The following TMC1 variants were observed in gnomAD, a reference collection of about 807,000 sequenced individuals.
TMC1 encodes transmembrane channel-like protein 1.
A neutral mutation model predicts 105.8 loss-of-function variants in TMC1; 84 were observed. That is an observed-to-expected ratio of 0.79 (90% CI 0.67 to 0.95). TMC1 has a LOEUF of 0.95. TMC1 is among the 40% of genes least tolerant of loss of function. TMC1 has a pLI of 0.00. For synonymous variants in TMC1, 315 were observed against 311.5 expected, an observed-to-expected ratio of 1.01 and a Z score of -0.12; for missense variants, 817 against 914.1, an observed-to-expected ratio of 0.89 and a Z score of 1.37.
chr9:72,710,795 T>A (rs1050428954), intron 8 of TMC1, among the ~76,000 whole-genome samples: 39 of 152,152 alleles, frequency 2.6e-4, no homozygotes, highest in African/African-American at 3.4e-4. Flanking sequence ...ACTTTTTTTT[T>A]AAATTATACT....
At chr9:72,747,120 T>C (rs1827502398) in intron 10 of TMC1, among the ~76,000 whole-genome samples, 1 of 152,216 alleles carries the variant, frequency 6.6e-6, no homozygotes, top group Admixed American at 6.5e-5. Flanking sequence ...AAAATTATAG[T>C]TTCAGAAACC....
intron 3 of TMC1, among the ~76,000 whole-genome samples, chr9:72,617,907 T>G (rs1157223262): frequency 2.5e-5 from 3 of 118,820 alleles, no homozygotes; most frequent in South Asian, 2.7e-4. Flanking sequence ...AGTCTATGTG[T>G]GGTGTGTGTG....
intron 5 of TMC1, among the ~76,000 whole-genome samples, chr9:72,683,733 T>TATA (rs1588029653): frequency 0.037 from 1,986 of 53,250 alleles, 228 homozygotes; most frequent in Middle Eastern, 0.098. Flanking sequence ...GTTACACATT[T>TATA]TATATATATA....
intron 12 of TMC1, among the ~76,000 whole-genome samples, chr9:72,769,873 T>C (rs1490175251): frequency 6.6e-6 from 1 of 152,204 alleles, no homozygotes; most frequent in African/African-American, 2.4e-5. Flanking sequence ...CAGGATATAA[T>C]CTTTAAACCA....
intron 5 of TMC1, among the ~76,000 whole-genome samples, chr9:72,687,472 A>T (rs1300834917): frequency 6.6e-6 from 1 of 152,188 alleles, no homozygotes; most frequent in Non-Finnish European, 1.5e-5. Flanking sequence ...TGACATAAAG[A>T]TCTTTGTCCT....
At chr9:72,807,773 G>A (rs1300815147) in intron 18 of TMC1, among the ~76,000 whole-genome samples, 5 of 152,200 alleles carry the variant, frequency 3.3e-5, no homozygotes, top group African/African-American at 9.6e-5. Flanking sequence ...ACACACAAGA[G>A]GCTGCAGAAG....
chr9:72,695,023 C>G (rs1263756349), intron 7 of TMC1, among the ~76,000 whole-genome samples: 1 of 152,096 alleles, frequency 6.6e-6, no homozygotes, highest in Non-Finnish European at 1.5e-5. Flanking sequence ...GCATTGTTAT[C>G]TAGGTTAAGT....
chr9:72,809,958 T>C (rs919373379), intron 18 of TMC1, among the ~76,000 whole-genome samples: 14 of 150,742 alleles, frequency 9.3e-5, no homozygotes, highest in African/African-American at 2.9e-4. Flanking sequence ...TGTGTGTGTG[T>C]GAGAGAGAGA....
rs1824818297 is a variant in TMC1 at position 72,601,669 on chromosome 9, CA to C, written c.-305-14692del. On this transcript the variant is annotated intron_variant, in intron 2 of 23. Transcript: ENST00000297784. ...CGAACAAAACAAAACAAAACAAAAC[CA>C]AAAAAACCAAAACAAAAAACATATT... is the stretch of plus-strand genomic sequence containing the variant. 2.6e-5 allele frequency among the ~76,000 whole-genome samples: 4 copies of C among 151,734 alleles called. No homozygotes were observed. The South Asian group carries it at 6.2e-4, about 24-fold the overall frequency.
Position 72,764,281 on chromosome 9 carries a change from G to A in TMC1, c.742-8132G>A, listed in dbSNP as rs949460206. 1.4e-4 allele frequency among the ~76,000 whole-genome samples: 21 copies of A among 152,020 alleles called. 1 individual carries two copies. Among genetic ancestry groups the A allele is most frequent in the Admixed American group, 4.6e-4 (7 of 15,254 alleles). ...GTGTCCAGATGACCACACACGTCTCGTTTCATGTATGAATTCACAAAGCTT... is the reference window on the plus strand; with the variant it reads ...GTGTCCAGATGACCACACACGTCTCATTTCATGTATGAATTCACAAAGCTT... On this transcript the variant is annotated intron_variant, in intron 12 of 23. Coordinates refer to ENST00000297784, the MANE Select transcript of TMC1 (RefSeq NM_138691.3).
At chr9:72,807,418 A>G (rs1023226796) in intron 18 of TMC1, among the ~76,000 whole-genome samples, 3 of 152,256 alleles carry the variant, frequency 2.0e-5, no homozygotes, top group Non-Finnish European at 2.9e-5. Context: ...GAGTACATTT[A>G]TAATGCAGAG....
intron 2 of TMC1, among the ~76,000 whole-genome samples, chr9:72,599,478 T>C (rs892454701): frequency 1.9e-4 from 29 of 152,288 alleles, no homozygotes; most frequent in African/African-American, 6.5e-4. Context: ...AAAAAGCCTA[T>C]AGGTTGAATT....
At chr9:72,565,101 G>T (rs898037067) in intron 1 of TMC1, among the ~76,000 whole-genome samples, 7 of 152,220 alleles carry the variant, frequency 4.6e-5, no homozygotes, top group African/African-American at 1.7e-4. Flanking sequence ...TGGGCAGTTA[G>T]TGAGCATTTT....
At chr9:72,778,452 C>T (rs968928088) in intron 13 of TMC1, among the ~76,000 whole-genome samples, 1 of 152,164 alleles carries the variant, frequency 6.6e-6, no homozygotes, top group Non-Finnish European at 1.5e-5. Flanking sequence ...GTAGCCCACT[C>T]TCACCATGGA....
rs961181201 is a variant in TMC1, at chr9:72,645,997, T to C, written c.-52-2600T>C. On this transcript the variant is annotated intron_variant, in intron 4 of 23. Transcript: ENST00000297784. ...TATATTTTTCATTTTAATCTTTTAA[T>C]TATATTTTTCCACAAAATTTTTGAA... 2.6e-5 allele frequency among the ~76,000 whole-genome samples: 4 copies of C among 152,190 alleles called. No homozygotes were observed. The East Asian group carries it at 7.7e-4, about 29-fold the overall frequency.
chr9:72,782,048 A>G (rs1828102138), intron 13 of TMC1, among the ~76,000 whole-genome samples: 1 of 152,210 alleles, frequency 6.6e-6, no homozygotes. Flanking sequence ...ATAAACATAC[A>G]TGCAAAAATC....
intron 2 of TMC1, among the ~76,000 whole-genome samples, chr9:72,591,969 G>A (rs1427880725): frequency 6.6e-6 from 1 of 152,172 alleles, no homozygotes; most frequent in South Asian, 2.1e-4. Flanking sequence ...GGCGCTAGTT[G>A]CTAGTTTAGA....
At chr9:72,684,352 T>A (rs1826340652) in intron 5 of TMC1, among the ~76,000 whole-genome samples, 1 of 152,134 alleles carries the variant, frequency 6.6e-6, no homozygotes, top group African/African-American at 2.4e-5. Flanking sequence ...TCAAATCCAG[T>A]GGTCAATTTT....
chr9:72,536,433 C>A (rs373686302), intron 1 of TMC1, among the ~76,000 whole-genome samples: 1 of 152,164 alleles, frequency 6.6e-6, no homozygotes, highest in African/African-American at 2.4e-5. Flanking sequence ...CCTGGGATCA[C>A]GCCATTCTCC....
Sources: allele counts gnomAD v4.1 joint callset (sites outside exome capture counted in the v4.1 genomes callset), GRCh38; gene constraint gnomAD v4.1.1; transcripts MANE v1.5; gene names NCBI Gene and HGNC (gene_info 2026-07-23, HGNC 2026-07-21).